DPF3: variants seen among roughly 807,000 people sequenced by gnomAD.
The protein encoded by DPF3 is double PHD fingers 3, also known as zinc finger protein DPF3.
A neutral mutation model predicts 56.8 loss-of-function variants in DPF3; 18 were observed. The observed-to-expected ratio is 0.32, with a 90% CI of 0.22 to 0.47. The LOEUF (loss-of-function observed/expected upper bound fraction) is 0.47, where lower values mean the gene tolerates loss of function less well. Ranked by LOEUF, DPF3 falls within the 20% of genes least tolerant of loss-of-function variation. The pLI, the probability that DPF3 is intolerant of heterozygous loss-of-function variation, is 1.00. For synonymous variants in DPF3, 188 were observed against 180.2 expected (o/e 1.04, Z -0.35); for missense variants, 403 against 488.8 (o/e 0.82, Z 1.65).
chr14:72,777,431 A>C (rs1891788864), intron 1 of DPF3, among the ~76,000 whole-genome samples: 1 of 152,152 alleles, frequency 6.6e-6, no homozygotes, highest in Non-Finnish European at 1.5e-5. Flanking sequence ...AAAGAAGACC[A>C]AGTTTAGTGT....
chr14:72,728,609 T>C (rs796321612), intron 4 of DPF3, among the ~76,000 whole-genome samples: 6 of 152,224 alleles, frequency 3.9e-5, no homozygotes, highest in African/African-American at 1.4e-4. Flanking sequence ...GTAGGACATG[T>C]CAGAGACGGG....
chr14:72,793,608 C>T (rs1038224732), intron 1 of DPF3, among the ~76,000 whole-genome samples: 2 of 152,170 alleles, frequency 1.3e-5, no homozygotes, highest in East Asian at 1.9e-4. Context: ...ATTAACAAGC[C>T]GGCATCCAAC....
intron 1 of DPF3, among the ~76,000 whole-genome samples, chr14:72,892,990 A>T (rs1886822841): frequency 6.7e-6 from 1 of 148,500 alleles, no homozygotes; most frequent in African/African-American, 2.5e-5. Context: ...GAAGGAAGGA[A>T]GGAAGGAAGG....
rs1477422681 is a variant in DPF3, at chr14:72,790,536, T to G, written c.33-18643A>C. Among the ~76,000 whole-genome samples, 5 of 152,312 alleles carry G rather than the reference T, an allele frequency of 3.3e-5. No homozygotes were observed. In the East Asian group the frequency reaches 9.6e-4, roughly 29 times the overall value. ...CTTTACAGTGTACCAGGCACCTTGC[T>G]GAGTAGGTTAGGATTTCACTGTACC... On this transcript the variant is annotated intron_variant, in intron 1 of 10. Transcript: ENST00000556509.
intron 1 of DPF3, among the ~76,000 whole-genome samples, chr14:72,783,137 T>A (rs939788300): frequency 6.6e-6 from 1 of 152,156 alleles, no homozygotes; most frequent in Non-Finnish European, 1.5e-5. Context: ...AGCTGACTGC[T>A]CCTCTGAGAT....
chr14:72,793,003 T>C (rs937886849), intron 1 of DPF3, among the ~76,000 whole-genome samples: 1 of 152,124 alleles, frequency 6.6e-6, no homozygotes, highest in Non-Finnish European at 1.5e-5. Flanking sequence ...AGAATTTGAA[T>C]GCTCTCACTC....
chr14:72,746,117 C>T (rs965846196), intron 3 of DPF3, among the ~76,000 whole-genome samples: 1 of 152,268 alleles, frequency 6.6e-6, no homozygotes, highest in Non-Finnish European at 1.5e-5. Context: ...CACCACCCTC[C>T]ACTTTTGCAC....
intron 7 of DPF3, among the ~76,000 whole-genome samples, chr14:72,691,720 C>T (rs535147015): frequency 2.0e-5 from 3 of 150,912 alleles, no homozygotes; most frequent in African/African-American, 4.9e-5. Context: ...AGAAAGACTC[C>T]GTCTCAGAAA....
rs1428028523 is a variant in DPF3, at chr14:72,756,928, A to AAGAAAGAAGAGAAGAGAAG, written c.194-3558_194-3557insCTTCTCTTCTCTTCTTTCT. 5.6e-3 allele frequency among the ~76,000 whole-genome samples: 784 copies of AAGAAAGAAGAGAAGAGAAG among 139,160 alleles called. 20 individuals carry two copies. Among genetic ancestry groups the AAGAAAGAAGAGAAGAGAAG allele is most frequent in the African/African-American group, 0.023 (744 of 32,338 alleles). 91.3% of individuals were successfully genotyped at this position (139,160 alleles called of 152,430 possible). A position where few individuals can be genotyped will look rare whatever the true frequency, so the allele number is the denominator to read the frequency against. ...AAAAAAAGAAAGAAAGAAAGAAAGA[A>AAGAAAGAAGAGAAGAGAAG]AGAAGAGAAGAGAAGAGAAAGGGAG... On this transcript the variant is annotated intron_variant, in intron 2 of 10. Transcript: ENST00000556509.
In DPF3 at chr14:72,795,292, A is replaced by AT. The variant is rs1555507682; in HGVS notation, c.33-23400_33-23399insA. Among the ~76,000 whole-genome samples the AT allele has an allele frequency of 5.2e-3, 514 of 99,436 alleles. 2 individuals carry two copies. The highest frequency in any genetic ancestry group is 0.012 in the African/African-American group (401 of 33,856). The allele number at this position is 99,436 out of a possible 152,430, so 65.2% of individuals were successfully genotyped here. A position where few individuals can be genotyped will look rare whatever the true frequency, so the allele number is the denominator to read the frequency against. On this transcript the variant is annotated intron_variant, in intron 1 of 10. Coordinates refer to ENST00000556509, the MANE Select transcript of DPF3 (RefSeq NM_001280542.3). ...CTCTTTTTGACAAAAAAAAAAAAAAAAAAATATATATATATATATATATAT... is the reference window on the plus strand; with the variant it reads ...CTCTTTTTGACAAAAAAAAAAAAAAATAAAATATATATATATATATATATAT...
intron 1 of DPF3, among the ~76,000 whole-genome samples, chr14:72,885,717 A>G (rs1024248718): frequency 2.0e-5 from 3 of 152,152 alleles, no homozygotes; most frequent in African/African-American, 7.2e-5. Context: ...TTTACAGTCC[A>G]AAAATGAAGG....
intron 1 of DPF3, among the ~76,000 whole-genome samples, chr14:72,794,978 C>G (rs1892577146): frequency 1.3e-5 from 2 of 152,118 alleles, no homozygotes; most frequent in Admixed American, 1.3e-4. Context: ...CTCCCTCTTG[C>G]AAGGACCCTT....
chr14:72,632,275 A>G (rs948082575), intron 8 of DPF3, among the ~76,000 whole-genome samples: 8 of 152,200 alleles, frequency 5.3e-5, no homozygotes, highest in African/African-American at 1.9e-4. Flanking sequence ...ATAAGATTGC[A>G]TAGAACTGTA....
rs372156673 is a variant in DPF3 at position 72,714,410 on chromosome 14, G to A, written c.604+13C>T. ...CACAGGGAGGAAGGAAGGTGGGACCGGCCCATACTTACTGTCACAGACGTA... is the reference window on the plus strand; with the variant it reads ...CACAGGGAGGAAGGAAGGTGGGACCAGCCCATACTTACTGTCACAGACGTA... On this transcript the variant is annotated intron_variant, in intron 6 of 10. Coordinates refer to ENST00000556509, the MANE Select transcript of DPF3 (RefSeq NM_001280542.3). 5.0e-5 allele frequency: 81 copies of A among 1,613,496 alleles called. No individual in the cohort carries two copies. Among genetic ancestry groups the A allele is most frequent in the African/African-American group, 1.2e-4 (9 of 74,910 alleles).
intron 1 of DPF3, among the ~76,000 whole-genome samples, chr14:72,826,482 G>T (rs527467772): frequency 6.6e-6 from 1 of 152,320 alleles, no homozygotes; most frequent in African/African-American, 2.4e-5. Flanking sequence ...CCCAGAGGAA[G>T]TGCTAAAGAA....
At chr14:72,738,289 T>C (rs941664813) in intron 3 of DPF3, among the ~76,000 whole-genome samples, 5 of 151,976 alleles carry the variant, frequency 3.3e-5, no homozygotes, top group African/African-American at 9.7e-5. Context: ...GAGGTTCACA[T>C]TGAGGACCCA....
At chr14:72,735,999 T>C (rs937188316) in intron 3 of DPF3, among the ~76,000 whole-genome samples, 2 of 152,204 alleles carry the variant, frequency 1.3e-5, no homozygotes, top group Non-Finnish European at 1.5e-5. Flanking sequence ...ATGGTAAGTA[T>C]CCTAAAAATG....
intron 1 of DPF3, among the ~76,000 whole-genome samples, chr14:72,869,588 A>G (rs1488156791): frequency 6.6e-6 from 1 of 152,160 alleles, no homozygotes; most frequent in Non-Finnish European, 1.5e-5. Flanking sequence ...GGATGCCACA[A>G]GATCTCAGGC....
chr14:72,796,643 T>C (rs1214060876), intron 1 of DPF3, among the ~76,000 whole-genome samples: 1 of 152,214 alleles, frequency 6.6e-6, no homozygotes, highest in African/African-American at 2.4e-5. Context: ...ATAAACATTG[T>C]ATGTGCATTA....
Sources: allele counts gnomAD v4.1 joint callset (sites outside exome capture counted in the v4.1 genomes callset), GRCh38; gene constraint gnomAD v4.1.1; transcripts MANE v1.5; gene names NCBI Gene and HGNC (gene_info 2026-07-23, HGNC 2026-07-21).